Variants in PLEKHA5 observed in about 807,000 individuals in gnomAD.
PLEKHA5 encodes the protein pleckstrin homology domain containing A5.
PLEKHA5 carries 55 observed loss-of-function variants against 181.9 expected under a neutral mutation model. That is an observed-to-expected ratio of 0.30 (90% CI 0.24 to 0.38). PLEKHA5 has a LOEUF of 0.38. Ranked by LOEUF, PLEKHA5 falls within the 10% of genes least tolerant of loss-of-function variation. The pLI, the probability that PLEKHA5 is intolerant of heterozygous loss-of-function variation, is 1.00. For synonymous variants in PLEKHA5, 535 were observed against 529.4 expected (o/e 1.01, Z -0.15); for missense variants, 1,432 against 1,549.5 (o/e 0.92, Z 1.27).
intron 3 of PLEKHA5, among the ~76,000 whole-genome samples, chr12:19,134,670 CT>C (rs1192936096): frequency 6.6e-6 from 1 of 152,102 alleles, no homozygotes; most frequent in Non-Finnish European, 1.5e-5. Flanking sequence ...AGGGGCACTA[CT>C]TTTATCTTAA....
intron 3 of PLEKHA5, among the ~76,000 whole-genome samples, chr12:19,187,168 C>T (rs914319427): frequency 6.6e-6 from 1 of 152,080 alleles, no homozygotes. Context: ...TTCCAAAAGC[C>T]CGCTTTTGCT....
intron 3 of PLEKHA5, among the ~76,000 whole-genome samples, chr12:19,184,576 G>A (rs1199457686): frequency 6.6e-6 from 1 of 152,212 alleles, no homozygotes; most frequent in Non-Finnish European, 1.5e-5. Context: ...CTTGTGAAGA[G>A]AGAGGGGAAG....
intron 27 of PLEKHA5, 101 bp downstream of exon 27, chr12:19,358,538 T>G: frequency 1.5e-6 from 1 of 675,668 alleles, no homozygotes; most frequent in Non-Finnish European, 2.5e-6. Context: ...GTCTGCAGTA[T>G]GGATACTTAT....
At chr12:19,178,162 T>A (rs1591948117) in intron 3 of PLEKHA5, among the ~76,000 whole-genome samples, 1 of 152,174 alleles carries the variant, frequency 6.6e-6, no homozygotes, top group Non-Finnish European at 1.5e-5. Flanking sequence ...GCTGCCCAAG[T>A]ATTGTCATTT....
At chr12:19,140,946 C>A (rs1331009901) in intron 3 of PLEKHA5, among the ~76,000 whole-genome samples, 3 of 152,256 alleles carry the variant, frequency 2.0e-5, no homozygotes, top group African/African-American at 7.2e-5. Context: ...CCCGCCACTA[C>A]GCCCGGCTAA....
Position 19,129,821 on chromosome 12 carries a change from G to C in PLEKHA5, c.22G>C (p.Glu8Gln), listed in dbSNP as rs778342819. 2 of 1,603,488 alleles carry C rather than the reference G, an allele frequency of 1.2e-6. No individual in the cohort carries two copies. The highest frequency in any genetic ancestry group is 1.7e-5 in the Admixed American group (1 of 59,356). Residue 8 changes from glutamate (E) to glutamine (Q), a missense_variant, in exon 1 of 32, where the codon GAG (glutamate) becomes CAG (glutamine). This residue lies in a region of PLEKHA5 where 289 missense variants were observed against 381.1 expected (regional missense o/e 0.76). Coordinates refer to ENST00000429027, the MANE Select transcript of PLEKHA5 (RefSeq NM_001256470.2). ...AGACATGGCGGCGGATCTGAACCTG[G>C]AGTGGATCTCCCTGCCCCGGTCCTG... MAADLNL[E>Q]WISLPRSWTY...
rs985332604 is a variant in PLEKHA5, at chr12:19,348,611, T to C, written c.3019+92T>C. 13 of 955,308 alleles carry C rather than the reference T, an allele frequency of 1.4e-5. No individual in the cohort carries two copies. The African/African-American group carries it at 2.2e-4, about 16-fold the overall frequency. The allele number at this position is 955,308 out of a possible 1,614,324, so 59.2% of individuals were successfully genotyped here. A position where few individuals can be genotyped will look rare whatever the true frequency, so the allele number is the denominator to read the frequency against. On this transcript the variant is annotated intron_variant, in intron 25 of 31. Coordinates refer to ENST00000429027, the MANE Select transcript of PLEKHA5 (RefSeq NM_001256470.2). ...TAGTAAATTCCATTTACATGTTGAC[T>C]CATATATGAGTCCAACCCTTTATCT...
chr12:19,297,411 A>G (rs1316974820), intron 15 of PLEKHA5, among the ~76,000 whole-genome samples: 2 of 150,874 alleles, frequency 1.3e-5, no homozygotes, highest in African/African-American at 4.9e-5. Context: ...TCATGAGGTC[A>G]GGAGATCGAG....
At chr12:19,358,811 T>C (rs1210547520) in intron 27 of PLEKHA5, among the ~76,000 whole-genome samples, 1 of 152,228 alleles carries the variant, frequency 6.6e-6, no homozygotes, top group Non-Finnish European at 1.5e-5. Flanking sequence ...AAATATGTAT[T>C]GCTCTGTGTC....
intron 3 of PLEKHA5, among the ~76,000 whole-genome samples, chr12:19,253,679 G>A (rs564404314): frequency 2.0e-5 from 3 of 151,758 alleles, no homozygotes; most frequent in Admixed American, 6.6e-5. Flanking sequence ...TTAACTGGGC[G>A]CGTGATGGTG....
Position 19,265,838 on chromosome 12 carries a change from A to G in PLEKHA5, c.699A>G (p.Lys233=). ...CCTCTGAAGATCACATTAATCGCAA[A>G]TATGCTTTTAAGGTAAGGAAATAAT... ...LLTSEDHINR[K]YAFKAAHPNM... is the part of the protein sequence containing the mutation. Residue 233 remains lysine (K), a synonymous_variant, in exon 8 of 32, where the codon AAA becomes AAG. Transcript: ENST00000429027. 1 of 1,581,846 alleles carries G rather than the reference A, an allele frequency of 6.3e-7. No homozygotes were observed. The highest frequency in any genetic ancestry group is 8.7e-7 in the Non-Finnish European group (1 of 1,153,240).
intron 3 of PLEKHA5, among the ~76,000 whole-genome samples, chr12:19,198,965 A>G (rs1451255174): frequency 6.6e-6 from 1 of 152,100 alleles, no homozygotes; most frequent in Non-Finnish European, 1.5e-5. Flanking sequence ...AACATGACAG[A>G]TTTTCTTATA....
intron 3 of PLEKHA5, chr12:19,237,071 A>G (rs565007437): frequency 1.3e-5 from 2 of 152,326 alleles, no homozygotes; most frequent in Non-Finnish European, 2.9e-5. Context: ...ATTAATAATA[A>G]ATAGCTAATA....
At chr12:19,186,021 T>A (rs541746662) in intron 3 of PLEKHA5, among the ~76,000 whole-genome samples, 1 of 152,332 alleles carries the variant, frequency 6.6e-6, no homozygotes, top group South Asian at 2.1e-4. Flanking sequence ...TCTAGGCTTA[T>A]AAATATACTT....
chr12:19,288,942 T>C (rs1361766333), intron 13 of PLEKHA5, among the ~76,000 whole-genome samples: 1 of 152,228 alleles, frequency 6.6e-6, no homozygotes, highest in Non-Finnish European at 1.5e-5. Context: ...CTTTTGAAAA[T>C]CTCTTAGTCT....
intron 24 of PLEKHA5, among the ~76,000 whole-genome samples, chr12:19,347,749 A>G (rs1291991743): frequency 6.6e-6 from 1 of 152,208 alleles, no homozygotes; most frequent in Non-Finnish European, 1.5e-5. Context: ...TGTGACAGGA[A>G]TTTTAGTGCT....
chr12:19,290,480 T>C (rs143136023), intron 13 of PLEKHA5, among the ~76,000 whole-genome samples, 197 bp from the exon 14 acceptor site: 1 of 152,362 alleles, frequency 6.6e-6, no homozygotes, highest in African/African-American at 2.4e-5. Context: ...GCTGTATCTT[T>C]TAAAGTAACA....
intron 3 of PLEKHA5, among the ~76,000 whole-genome samples, chr12:19,230,168 A>G (rs2060279780): frequency 6.6e-6 from 1 of 152,122 alleles, no homozygotes; most frequent in African/African-American, 2.4e-5. Context: ...ATTAGCTAAG[A>G]TACAGAGTGC....
Position 19,130,159 on chromosome 12 carries a change from T to G in PLEKHA5, c.169+29T>G. The G allele has an allele frequency of 2.0e-6, 3 of 1,468,968 alleles. No individual in the cohort carries two copies. The highest frequency in any genetic ancestry group is 2.8e-6 in the Non-Finnish European group (3 of 1,088,470). 91.0% of individuals were successfully genotyped at this position (1,468,968 alleles called of 1,614,324 possible). A position where few individuals can be genotyped will look rare whatever the true frequency, so the allele number is the denominator to read the frequency against. ...ACGCCGGGCCCAAACGGAGTTGGGC[T>G]CCGCCTGGAGGAGGCGGCAGAGCCC... On this transcript the variant is annotated intron_variant, in intron 2 of 31. Coordinates refer to ENST00000429027, the MANE Select transcript of PLEKHA5 (RefSeq NM_001256470.2). The surrounding 1 kb of genome is among the most constrained non-coding windows in gnomAD (Gnocchi z 4.5).
Sources: allele counts gnomAD v4.1 joint callset (sites outside exome capture counted in the v4.1 genomes callset), GRCh38; gene constraint gnomAD v4.1.1; regional missense constraint gnomAD v4.1.1; non-coding constraint Gnocchi (gnomAD v3.1); transcripts MANE v1.5; gene names NCBI Gene and HGNC (gene_info 2026-07-23, HGNC 2026-07-21).